Variants in LY96 observed in about 807,000 individuals in gnomAD.
LY96 encodes the protein myeloid differentiation protein-2.
Under a neutral mutation model 18.9 loss-of-function variants are expected in LY96, and 18 were observed. The observed-to-expected ratio is 0.95, with a 90% confidence interval of 0.66 to 1.41. LY96 has a LOEUF of 1.41. LY96 is among the 40% of genes most tolerant of loss of function. LY96 has a pLI of 0.00. For synonymous variants in LY96, 66 were observed against 62.6 expected, an observed-to-expected ratio of 1.06 and a Z score of -0.26; for missense variants, 175 against 182.4, an observed-to-expected ratio of 0.96 and a Z score of 0.23.
At chr8:74,056,498 T>C in the LY96 span, 1 of 157,930 alleles carries the variant, frequency 6.3e-6, no homozygotes, top group African/African-American at 2.4e-5. Flanking sequence ...ATTAGAAAAG[T>C]AAACATGCTA....
chr8:74,060,089 G>A, the LY96 span, among the ~76,000 whole-genome samples: 1 of 152,236 alleles, frequency 6.6e-6, no homozygotes, highest in Non-Finnish European at 1.5e-5. Flanking sequence ...AGAGGTTGCA[G>A]TGAGCCAGGA....
downstream of LY96, among the ~76,000 whole-genome samples, chr8:74,032,684 G>A (rs1816991451): frequency 6.6e-6 from 1 of 152,200 alleles, no homozygotes; most frequent in Non-Finnish European, 1.5e-5. Flanking sequence ...GTTGTTGTCT[G>A]CAGCTCATTC....
downstream of LY96, among the ~76,000 whole-genome samples, chr8:74,030,621 A>C (rs758059948): frequency 6.6e-6 from 1 of 152,198 alleles, no homozygotes; most frequent in Non-Finnish European, 1.5e-5. Flanking sequence ...CTCCACTCCT[A>C]AACTCCTCGT....
chr8:74,004,797 T>A lies in LY96; in HGVS notation c.114T>A (p.Asp38Glu), dbSNP rs746684053. 1 of 1,564,750 alleles carries A rather than the reference T, an allele frequency of 6.4e-7. No homozygotes were observed. The highest frequency in any genetic ancestry group is 8.8e-7 in the Non-Finnish European group (1 of 1,137,918). The change falls in exon 2 of 5, where the codon GAT (aspartate) becomes GAA (glutamate). Residue 38 changes from aspartate (D) to glutamate (E), a missense_variant and splice_region_variant. By Grantham distance (45) the Asp-to-Glu change is conservative (BLOSUM62 2). Coordinates refer to ENST00000284818, the MANE Select transcript of LY96 (RefSeq NM_015364.5). ...TGACATTATCTTTATTGCTTTTAGA[T>A]AAAATGCAATACCCAATTTCAATTA... ...SDASISYTYC[D>E]KMQYPISINV...
the LY96 span, among the ~76,000 whole-genome samples, chr8:74,047,656 C>A: frequency 7.2e-5 from 11 of 152,294 alleles, no homozygotes; most frequent in African/African-American, 2.4e-4. Flanking sequence ...CGTCCTGGCT[C>A]AGCCACTAAT....
At chr8:74,029,715 A>G (rs1816938284), downstream of LY96, among the ~76,000 whole-genome samples, 1 of 152,154 alleles carries the variant, frequency 6.6e-6, no homozygotes, top group South Asian at 2.1e-4. Context: ...GCTGGAGTGC[A>G]GTGGCACCAT....
chr8:74,032,158 C>A (rs563611798), downstream of LY96, among the ~76,000 whole-genome samples: 26 of 152,098 alleles, frequency 1.7e-4, no homozygotes, highest in African/African-American at 5.3e-4. Flanking sequence ...AAAAAAACAA[C>A]CAACCAACCA....
the LY96 span, among the ~76,000 whole-genome samples, chr8:74,044,361 A>T: frequency 6.6e-6 from 1 of 151,962 alleles, no homozygotes; most frequent in East Asian, 1.9e-4. Context: ...AATTAAAAAA[A>T]AATTTATTTT....
the LY96 span, among the ~76,000 whole-genome samples, chr8:74,068,083 A>ATATATATATATATATAT: frequency 1.1e-4 from 11 of 95,820 alleles, no homozygotes; most frequent in African/African-American, 6.4e-4. Flanking sequence ...AAAAAAAAAA[A>ATATATATATATATATAT]AAAAAAATAT....
the LY96 span, among the ~76,000 whole-genome samples, chr8:74,097,248 G>A: frequency 3.3e-4 from 51 of 152,256 alleles, no homozygotes; most frequent in East Asian, 7.9e-3. Context: ...ACAGGTTACC[G>A]TTAGGCTGTC....
the LY96 span, among the ~76,000 whole-genome samples, chr8:74,093,018 T>C: frequency 7.5e-3 from 1,136 of 152,330 alleles, 20 homozygotes; most frequent in African/African-American, 0.027. Context: ...AATAAAAGCA[T>C]GGCATTCAAA....
At chr8:74,081,122 T>TTCC in the LY96 span, among the ~76,000 whole-genome samples, 6 of 124,260 alleles carry the variant, frequency 4.8e-5, no homozygotes, top group African/African-American at 1.7e-4. Flanking sequence ...TCTTTCTTTC[T>TTCC]TTCCTTCCTT....
chr8:74,047,901 T>C, the LY96 span, among the ~76,000 whole-genome samples: 1 of 149,786 alleles, frequency 6.7e-6, no homozygotes, highest in African/African-American at 2.5e-5. Context: ...TTTATTTTAT[T>C]TTTTAATGAG....
intron 3 of LY96, among the ~76,000 whole-genome samples, chr8:74,015,680 A>G (rs1816626653): frequency 6.6e-6 from 1 of 152,196 alleles, no homozygotes; most frequent in Admixed American, 6.5e-5. Flanking sequence ...TTCAATGTAC[A>G]ATACCATCTG....
the LY96 span, among the ~76,000 whole-genome samples, chr8:74,088,736 C>A: frequency 6.6e-6 from 1 of 152,254 alleles, no homozygotes; most frequent in South Asian, 2.1e-4. Context: ...CAGGCACCTA[C>A]CACTACACCT....
chr8:74,026,936 C>T, intron 4 of LY96, 95 bp downstream of exon 4: 7 of 688,956 alleles, frequency 1.0e-5, no homozygotes, highest in Non-Finnish European at 1.5e-5. Context: ...CTTCCTTTTT[C>T]TTTCTTTTTT....
At chr8:74,004,770 A>G (rs760742236) in intron 1 of LY96, 26 bp from the exon 2 acceptor site, 1 of 1,522,912 alleles carries the variant, frequency 6.6e-7, no homozygotes, top group South Asian at 1.1e-5. Context: ...GTAGTAATTT[A>G]TTGACATTAT....
At chr8:74,058,892 A>C in the LY96 span, among the ~76,000 whole-genome samples, 3 of 152,264 alleles carry the variant, frequency 2.0e-5, no homozygotes, top group Admixed American at 2.0e-4. Flanking sequence ...TGCTGTCTGC[A>C]AGCTGGAGAC....
Position 74,009,985 on chromosome 8 carries a change from A to G in LY96, c.203-16A>G, listed in dbSNP as rs778837445. 12 of 1,575,368 alleles carry G rather than the reference A, an allele frequency of 7.6e-6. No individual in the cohort carries two copies. The highest frequency in any genetic ancestry group is 1.7e-4 in the Middle Eastern group (1 of 5,976). ...ATCTACTATTTGAGGGCCTAATGGG[A>G]TTTTTTCTTTTAAAGGGAGAGATTT... On this transcript the variant is annotated splice_polypyrimidine_tract_variant and intron_variant, in intron 2 of 4. Coordinates refer to ENST00000284818, the MANE Select transcript of LY96 (RefSeq NM_015364.5).
Sources: gnomAD v4.1 joint callset for allele counts (sites outside exome capture counted in the v4.1 genomes callset) on GRCh38, gnomAD v4.1.1 for gene constraint, MANE v1.5 for transcripts, NCBI Gene and HGNC (gene_info 2026-07-23, HGNC 2026-07-21) for gene names.